CSMD2: variants seen among roughly 807,000 people sequenced by gnomAD.
CSMD2 encodes CUB and Sushi multiple domains 2.
Under a neutral mutation model 398.5 loss-of-function variants are expected in CSMD2, and 130 were observed. The observed-to-expected ratio is 0.33, with a 90% confidence interval of 0.28 to 0.38. The LOEUF is 0.38. CSMD2 is among the 10% of genes least tolerant of loss of function. The pLI, the probability that CSMD2 is intolerant of heterozygous loss-of-function variation, is 1.00. For synonymous variants in CSMD2, 1,828 were observed against 1,908.5 expected (o/e 0.96, Z 1.10); for missense variants, 3,829 against 4,764.9 (o/e 0.80, Z 5.78).
At position 34,142,187 on chromosome 1, in the gene CSMD2, T is replaced by C. The variant is rs770131656; in HGVS notation, c.187+22724A>G. On this transcript the variant is annotated intron_variant, in intron 1 of 70. Coordinates refer to ENST00000373381, the MANE Select transcript of CSMD2 (RefSeq NM_001281956.2). ...GCCATTCTTTTGCTGCCACGGCCTT[T>C]GGGGAAGAGATGGGTCATCCTGTCC... Among the ~76,000 whole-genome samples, 10 of 152,260 alleles carry C rather than the reference T, an allele frequency of 6.6e-5. No homozygotes were observed. In the South Asian group the frequency reaches 1.2e-3, roughly 19 times the overall value.
At chr1:33,659,173 T>A (rs1246872979) in intron 26 of CSMD2, among the ~76,000 whole-genome samples, 1 of 152,216 alleles carries the variant, frequency 6.6e-6, no homozygotes, top group Non-Finnish European at 1.5e-5. Flanking sequence ...TAACCTAGTT[T>A]AACATAGAGC....
intron 27 of CSMD2, 59 bp from the exon 28 acceptor site, chr1:33,652,520 G>C: frequency 6.3e-7 from 1 of 1,594,962 alleles, no homozygotes; most frequent in South Asian, 1.1e-5. Flanking sequence ...CATTTTCATG[G>C]GTGTTGCTAA....
chr1:33,632,958 A>G (rs1009623922), intron 32 of CSMD2, among the ~76,000 whole-genome samples: 2 of 152,214 alleles, frequency 1.3e-5, no homozygotes, highest in Non-Finnish European at 1.5e-5. Flanking sequence ...GAATATTTCA[A>G]TAAAATATGT....
chr1:34,100,201 G>A (rs566364172), intron 1 of CSMD2, among the ~76,000 whole-genome samples: 1 of 151,954 alleles, frequency 6.6e-6, no homozygotes, highest in Non-Finnish European at 1.5e-5. Flanking sequence ...AGGCAATGTG[G>A]ACTTGTAATA....
chr1:34,052,482 C>T (rs1001722289), intron 2 of CSMD2, among the ~76,000 whole-genome samples: 1 of 138,648 alleles, frequency 7.2e-6, no homozygotes, highest in African/African-American at 2.9e-5. Context: ...GAAATCAATC[C>T]CCTATGGGAC....
chr1:33,864,113 T>G, intron 5 of CSMD2: 7 of 1,389,580 alleles, frequency 5.0e-6, no homozygotes, highest in Non-Finnish European at 6.9e-6. Flanking sequence ...CAGCACTTTC[T>G]AGATTGCTCC....
chr1:34,129,589 T>G (rs914990589), intron 1 of CSMD2, among the ~76,000 whole-genome samples: 1 of 152,134 alleles, frequency 6.6e-6, no homozygotes, highest in African/African-American at 2.4e-5. Context: ...GAGGCGGAGC[T>G]TGCAGTGAGC....
chr1:33,632,718 C>A (rs1571017011), intron 32 of CSMD2, among the ~76,000 whole-genome samples: 4 of 152,162 alleles, frequency 2.6e-5, no homozygotes, highest in Admixed American at 2.6e-4. Context: ...TCTCACATAT[C>A]CTTTAACTTG....
intron 52 of CSMD2, 138 bp downstream of exon 52, chr1:33,569,236 A>G: frequency 1.1e-6 from 1 of 875,840 alleles, no homozygotes; most frequent in Non-Finnish European, 1.6e-6. Flanking sequence ...CCTGATGGCC[A>G]ATAGTTGGTG....
intron 2 of CSMD2, among the ~76,000 whole-genome samples, chr1:34,055,751 GT>G (rs1049505810): frequency 2.6e-5 from 4 of 152,150 alleles, no homozygotes; most frequent in African/African-American, 9.7e-5. Flanking sequence ...GTCTTTCTGA[GT>G]TTTTATAGAA....
intron 3 of CSMD2, among the ~76,000 whole-genome samples, chr1:33,944,320 G>C (rs1197575902): frequency 6.6e-6 from 1 of 152,136 alleles, no homozygotes; most frequent in African/African-American, 2.4e-5. Flanking sequence ...GGGCGAGTGG[G>C]CTGCACCAGG....
chr1:33,952,224 G>C (rs987175752), intron 3 of CSMD2, among the ~76,000 whole-genome samples: 4 of 152,214 alleles, frequency 2.6e-5, no homozygotes, highest in African/African-American at 9.6e-5. Flanking sequence ...GCTAAAGCCA[G>C]AACAGGACTG....
intron 3 of CSMD2, among the ~76,000 whole-genome samples, chr1:33,978,807 G>C (rs758866126): frequency 4.6e-5 from 7 of 152,194 alleles, no homozygotes; most frequent in Non-Finnish European, 8.8e-5. Flanking sequence ...AGGAATGAGA[G>C]CTAACATTTA....
At chr1:34,080,976 A>AATGC (rs912816368) in intron 2 of CSMD2, among the ~76,000 whole-genome samples, 11 of 150,128 alleles carry the variant, frequency 7.3e-5, no homozygotes, top group Admixed American at 4.0e-4. Context: ...GAAAGAAAGA[A>AATGC]ATGCACAGGA....
chr1:33,804,801 T>TTTC, intron 10 of CSMD2: 1 of 717,458 alleles, frequency 1.4e-6, no homozygotes, highest in Non-Finnish European at 2.6e-6. Context: ...GTCCTTGCTG[T>TTTC]TTCCCAGAAG....
intron 68 of CSMD2, among the ~76,000 whole-genome samples, chr1:33,520,486 G>T (rs1225122366): frequency 6.6e-6 from 1 of 152,128 alleles, no homozygotes; most frequent in East Asian, 1.9e-4. Flanking sequence ...GAGGGGCTGG[G>T]GCTCTGAGAG....
At chr1:33,734,538 G>A (rs182952526) in intron 15 of CSMD2, among the ~76,000 whole-genome samples, 14 of 152,140 alleles carry the variant, frequency 9.2e-5, no homozygotes, top group Admixed American at 7.2e-4. Context: ...TGTAATCCCC[G>A]CATTTTGGGA....
chr1:33,864,157 G>A (rs112051613), intron 5 of CSMD2: 71 of 1,553,746 alleles, frequency 4.6e-5, no homozygotes, highest in African/African-American at 4.5e-4. Flanking sequence ...TCCTGTCCAC[G>A]TTACTGAATC....
At chr1:33,976,739 C>T (rs1645980693) in intron 3 of CSMD2, among the ~76,000 whole-genome samples, 1 of 152,152 alleles carries the variant, frequency 6.6e-6, no homozygotes, top group Non-Finnish European at 1.5e-5. Flanking sequence ...TGACACTGGG[C>T]AACTCTGAAC....
Sources: gnomAD v4.1 joint callset for allele counts (sites outside exome capture counted in the v4.1 genomes callset) on GRCh38, gnomAD v4.1.1 for gene constraint, MANE v1.5 for transcripts, NCBI Gene and HGNC (gene_info 2026-07-23, HGNC 2026-07-21) for gene names.